MS4A12: variants seen among roughly 807,000 people sequenced by gnomAD.
MS4A12 encodes the protein membrane-spanning 4-domains subfamily A member 12.
A neutral mutation model predicts 23.7 loss-of-function variants in MS4A12; 28 were observed. The ratio of observed to expected loss-of-function variants is 1.18; its 90% CI spans 0.88 to 1.62. The LOEUF is 1.62. Ranked by LOEUF, MS4A12 falls within the 40% of genes most tolerant of loss-of-function variation. The pLI, the probability that MS4A12 is intolerant of heterozygous loss-of-function variation, is 0.00. For missense variants in MS4A12, 342 were observed against 327.0 expected (o/e 1.05, Z -0.35); for synonymous variants, 108 against 110.1 (o/e 0.98, Z 0.12).
intron 1 of MS4A12, among the ~76,000 whole-genome samples, chr11:60,496,262 A>C (rs1197218999): frequency 4.6e-5 from 7 of 152,166 alleles, no homozygotes; most frequent in African/African-American, 1.7e-4. Context: ...GACATTCATC[A>C]CTCTAACTTT....
At chr11:60,503,849 T>C in intron 5 of MS4A12, 32 bp downstream of exon 5, 1 of 1,572,216 alleles carries the variant, frequency 6.4e-7, no homozygotes, top group African/African-American at 1.4e-5. Context: ...ATGTGCCTGC[T>C]CTATTTTCAG....
intron 4 of MS4A12, among the ~76,000 whole-genome samples, chr11:60,502,523 G>A (rs758609611): frequency 6.6e-6 from 1 of 152,186 alleles, no homozygotes; most frequent in Non-Finnish European, 1.5e-5. Context: ...CATTAAATGA[G>A]TCTAGCTTGT....
chr11:60,501,061 T>A lies in MS4A12; in HGVS notation c.293T>A (p.Val98Asp). The A allele has an allele frequency of 1.2e-6, 2 of 1,608,118 alleles. No homozygotes were observed. The highest frequency in any genetic ancestry group is 1.7e-6 in the Non-Finnish European group (2 of 1,178,184). The stretch of plus-strand genomic sequence containing the variant: ...TTTTTTCAGGTGATCCAGATCATGG[T>A]TGGATTGATGCACATTGGTTTTGGA... ...AKALGVIQIMVGLMHIGFGIV... is the reference protein window; with the variant it reads ...AKALGVIQIMDGLMHIGFGIV... Residue 98 changes from valine to aspartate, a missense_variant, in exon 3 of 7, where the codon GTT becomes GAT. By Grantham distance (152) the Val-to-Asp change is radical (BLOSUM62 -3). Transcript: ENST00000016913.
chr11:60,501,902 A>G (rs2086533185), intron 3 of MS4A12, 81 bp from the exon 4 acceptor site: 2 of 1,316,688 alleles, frequency 1.5e-6, no homozygotes, highest in African/African-American at 2.9e-5. Flanking sequence ...GAACATAAAT[A>G]GACCAACCTT....
intron 3 of MS4A12, among the ~76,000 whole-genome samples, chr11:60,501,483 C>T (rs1028547946): frequency 6.6e-6 from 1 of 152,070 alleles, no homozygotes; most frequent in Non-Finnish European, 1.5e-5. Context: ...TATCCTACTA[C>T]ATTTGAGATG....
chr11:60,493,985 T>TA lies in MS4A12; in HGVS notation c.-7+1164dup, dbSNP rs36049589. Among the ~76,000 whole-genome samples, 759 of 152,220 alleles carry TA rather than the reference T, an allele frequency of 5.0e-3. 11 individuals carry two copies. Among genetic ancestry groups the TA allele is most frequent in the African/African-American group, 0.017 (723 of 41,544 alleles). On this transcript the variant is annotated intron_variant, in intron 1 of 6. Transcript: ENST00000016913. ...TTGCAGTTGTTCTAATTCTTATTTT[T>TA]AAAAAAAGGACAACTAGGGGTAAAT...
At chr11:60,500,131 C>T (rs1342945922) in intron 2 of MS4A12, among the ~76,000 whole-genome samples, 1 of 151,660 alleles carries the variant, frequency 6.6e-6, no homozygotes, top group Non-Finnish European at 1.5e-5. Flanking sequence ...GTCCTAGCTA[C>T]TCGGGAGGGT....
In MS4A12 at chr11:60,507,080, G is replaced by C. The variant is rs1466420382; in HGVS notation, c.760G>C (p.Ala254Pro). 4.3e-6 allele frequency: 7 copies of C among 1,613,850 alleles called. 1 individual carries two copies. The African/African-American group carries it at 6.7e-5, about 15-fold the overall frequency. ...SNPVTPASSS[A>P]PPRCNNYSAN... Reference sequence around the variant, plus strand: ...CCCTGTGACACCAGCGTCTTCTTCAGCTCCTCCCAGATGCAACAACTACTC... The same window carrying C: ...CCCTGTGACACCAGCGTCTTCTTCACCTCCTCCCAGATGCAACAACTACTC... Residue 254 changes from alanine to proline, a missense_variant, in exon 7 of 7, where the codon GCT becomes CCT. Physicochemically the swap from Ala to Pro is conservative, Grantham distance 27 (BLOSUM62 -1). Transcript: ENST00000016913.
At position 60,497,489 on chromosome 11, in the gene MS4A12, G is replaced by A. The variant is rs201559362; in HGVS notation, c.171G>A (p.Pro57=). Residue 57 remains proline, a synonymous_variant, in exon 2 of 7, where the codon CCG becomes CCA. Transcript: ENST00000016913. ...CTCAGCCCTACGGCATCACATCTCC[G>A]GGAATCTTTGCTAGCAGTCAACCGG... ...QRAQPYGITS[P]GIFASSQPGQ... is the part of the protein sequence containing the mutation. 7.4e-5 allele frequency: 120 copies of A among 1,614,062 alleles called. No homozygotes were observed. The highest frequency in any genetic ancestry group is 8.8e-5 in the Non-Finnish European group (104 of 1,179,992).
intron 5 of MS4A12, 87 bp from the exon 6 acceptor site, chr11:60,506,641 A>C: frequency 1.1e-6 from 1 of 896,792 alleles, no homozygotes; most frequent in South Asian, 1.5e-5. Context: ...TATAAGCAAT[A>C]GCACATTTGA....
Position 60,502,556 on chromosome 11 carries a change from A to G in MS4A12, c.471+517A>G, listed in dbSNP as rs2086538987. Among the ~76,000 whole-genome samples, 7 of 152,250 alleles carry G rather than the reference A, an allele frequency of 4.6e-5. No homozygotes were observed. In the South Asian group the frequency reaches 1.4e-3, roughly 31 times the overall value. ...TGTTCTGTAAGAAGAGTTTATAAAAATGATGAGTAAGACAGGACTTTGAGC... is the reference window on the plus strand; with the variant it reads ...TGTTCTGTAAGAAGAGTTTATAAAAGTGATGAGTAAGACAGGACTTTGAGC... On this transcript the variant is annotated intron_variant, in intron 4 of 6. Coordinates refer to ENST00000016913, the MANE Select transcript of MS4A12 (RefSeq NM_017716.3).
chr11:60,492,779 C>G lies in MS4A12; in HGVS notation c.-56C>G, dbSNP rs192351947. ...TCCAGGTAAATATCTGATACTGGCA[C>G]ACAGGTTGGAGCAGAGAAAGAGGAA... On this transcript the variant is annotated 5_prime_UTR_variant, in exon 1 of 7. Coordinates refer to ENST00000016913, the MANE Select transcript of MS4A12 (RefSeq NM_017716.3). The G allele has an allele frequency of 8.5e-5, 13 of 152,206 alleles. No individual in the cohort carries two copies. The highest frequency in any genetic ancestry group is 1.8e-4 in the Non-Finnish European group (12 of 68,054). 9.4% of individuals were successfully genotyped at this position (152,206 alleles called of 1,614,324 possible). A position where few individuals can be genotyped will look rare whatever the true frequency, so the allele number is the denominator to read the frequency against.
chr11:60,499,063 G>A (rs2086511140), intron 2 of MS4A12, among the ~76,000 whole-genome samples: 1 of 152,208 alleles, frequency 6.6e-6, no homozygotes, highest in Non-Finnish European at 1.5e-5. Context: ...GAAGAGGCGT[G>A]TGATAAAAAT....
chr11:60,500,164 C>A (rs1193209592), intron 2 of MS4A12, among the ~76,000 whole-genome samples: 2 of 151,046 alleles, frequency 1.3e-5, no homozygotes, highest in African/African-American at 4.9e-5. Flanking sequence ...TGGTGTGAAC[C>A]CGGGAGGCGG....
intron 1 of MS4A12, among the ~76,000 whole-genome samples, chr11:60,494,895 G>A (rs2086476132): frequency 6.6e-6 from 1 of 152,138 alleles, no homozygotes; most frequent in East Asian, 1.9e-4. Flanking sequence ...ATTCTCAAAT[G>A]CTATTGAGAG....
chr11:60,504,289 G>T (rs1392565520), intron 5 of MS4A12, among the ~76,000 whole-genome samples: 1 of 152,192 alleles, frequency 6.6e-6, no homozygotes, highest in East Asian at 1.9e-4. Flanking sequence ...CTCTGAATGT[G>T]CTCAAAACAC....
At chr11:60,497,091 T>C (rs1428878927) in intron 1 of MS4A12, among the ~76,000 whole-genome samples, 2 of 152,212 alleles carry the variant, frequency 1.3e-5, no homozygotes, top group Non-Finnish European at 2.9e-5. Flanking sequence ...GCTTACCTCA[T>C]GTAGTGCAGC....
In MS4A12 at chr11:60,502,026, T is replaced by C; in HGVS notation, c.458T>C (p.Leu153Pro). 1 of 1,612,602 alleles carries C rather than the reference T, an allele frequency of 6.2e-7. No individual in the cohort carries two copies. The highest frequency in any genetic ancestry group is 8.5e-7 in the Non-Finnish European group (1 of 1,178,612). ...GSLSVSASKE[L>P]SRCLVKGSLG... ...CTCTCTGTGTCAGCATCCAAGGAGC[T>C]TTCCCGTTGTCTGGTAAGTTAGACT... Residue 153 changes from leucine to proline, a missense_variant, in exon 4 of 7, where the codon CTT becomes CCT. Physicochemically the swap from Leu to Pro is moderately conservative, Grantham distance 98 (BLOSUM62 -3). Coordinates refer to ENST00000016913, the MANE Select transcript of MS4A12 (RefSeq NM_017716.3).
Position 60,501,175 on chromosome 11 carries a change from G to A in MS4A12, c.407G>A (p.Gly136Asp), listed in dbSNP as rs2086527705. The change falls in exon 3 of 7, where the codon GGC (glycine) becomes GAC (aspartate). Residue 136 changes from glycine to aspartate, a missense_variant. Physicochemically the swap from Gly to Asp is moderately conservative, Grantham distance 94. Coordinates refer to ENST00000016913, the MANE Select transcript of MS4A12 (RefSeq NM_017716.3). ...AVIGGYPFWG[G>D]LSFIISGSLS... ...ATTGGTGGATACCCATTCTGGGGTG[G>A]CCTTTCTGTGAGTAGATTGCTAGAA... 3.7e-6 allele frequency: 6 copies of A among 1,604,804 alleles called. No individual in the cohort carries two copies. The highest frequency in any genetic ancestry group is 1.3e-5 in the African/African-American group (1 of 74,284).
Sources: allele counts gnomAD v4.1 joint callset (sites outside exome capture counted in the v4.1 genomes callset), GRCh38; gene constraint gnomAD v4.1.1; transcripts MANE v1.5; gene names NCBI Gene and HGNC (gene_info 2026-07-23, HGNC 2026-07-21).